Variants in TSN observed in about 807,000 individuals in gnomAD.
TSN encodes translin.
A neutral mutation model predicts 29.4 loss-of-function variants in TSN; 5 were observed. The observed-to-expected ratio is 0.17, with a 90% CI of 0.09 to 0.36. TSN has a LOEUF of 0.36. Ranked by LOEUF, TSN falls within the 10% of genes least tolerant of loss-of-function variation. The pLI is 1.00. For missense variants in TSN, 159 were observed against 272.8 expected, an observed-to-expected ratio of 0.58 and a Z score of 2.94; for synonymous variants, 106 against 102.2, an observed-to-expected ratio of 1.04 and a Z score of -0.23.
At chr2:121,764,571 A>G (rs1473392646) in intron 5 of TSN, among the ~76,000 whole-genome samples, 1 of 152,118 alleles carries the variant, frequency 6.6e-6, no homozygotes, top group Non-Finnish European at 1.5e-5. Context: ...TTTTAAAGCC[A>G]GTCAAATGGA....
intron 3 of TSN, among the ~76,000 whole-genome samples, chr2:121,760,965 G>T (rs1161194934): frequency 2.0e-5 from 3 of 151,420 alleles, no homozygotes; most frequent in African/African-American, 7.3e-5. Flanking sequence ...TGCCTCCCAG[G>T]TTCAAGCAGT....
chr2:121,765,470 T>A lies in TSN; in HGVS notation c.*103T>A. 1 of 1,044,734 alleles carries A rather than the reference T, an allele frequency of 9.6e-7. No homozygotes were observed. Among genetic ancestry groups the A allele is most frequent in the South Asian group, 1.5e-5 (1 of 66,738 alleles). 64.7% of individuals were successfully genotyped at this position (1,044,734 alleles called of 1,614,324 possible). ...GTTAGGATGCTCAGTTGCTAAACAC[T>A]GCGCTTTATTTTCTTAACCAGTTGT... On this transcript the variant is annotated 3_prime_UTR_variant, in exon 6 of 6. Transcript: ENST00000389682.
chr2:121,760,661 A>C (rs1206781572), intron 3 of TSN, among the ~76,000 whole-genome samples: 1 of 152,200 alleles, frequency 6.6e-6, no homozygotes. Flanking sequence ...GTGATTGCAA[A>C]TGGTAATTTT....
At chr2:121,758,904 G>A (rs57168317) in intron 3 of TSN, 98 bp downstream of exon 3, 11,569 of 730,004 alleles carry the variant, frequency 0.016, 246 homozygotes, top group African/African-American at 0.067. Flanking sequence ...CAAACATCCT[G>A]TGTAGAAGTA....
Position 121,755,837 on chromosome 2 carries a change from A to G in TSN, c.58A>G (p.Ile20Val). ...LQGFLAAEQDIREEIRKVVQS... is the reference protein window; with the variant it reads ...LQGFLAAEQDVREEIRKVVQS... ...GGGCTTTTTGGCTGCCGAGCAGGACATCCGAGAGGCGAGCCCCCTCCCTTC... is the reference window on the plus strand; with the variant it reads ...GGGCTTTTTGGCTGCCGAGCAGGACGTCCGAGAGGCGAGCCCCCTCCCTTC... Residue 20 changes from isoleucine (I) to valine (V), a missense_variant, in exon 1 of 6, where the codon ATC becomes GTC. Around this residue, in one of 3 missense-constraint regions of TSN, gnomAD observed 43 missense variants for 68.6 expected, o/e 0.63. Coordinates refer to ENST00000389682, the MANE Select transcript of TSN (RefSeq NM_004622.3). The G allele has an allele frequency of 6.2e-7, 1 of 1,614,056 alleles. No individual in the cohort carries two copies. Among genetic ancestry groups the G allele is most frequent in the Admixed American group, 1.7e-5 (1 of 60,024 alleles).
chr2:121,755,858 C>A lies in TSN; in HGVS notation c.66+13C>A, dbSNP rs1245018245. The A allele has an allele frequency of 1.2e-6, 2 of 1,613,910 alleles. No homozygotes were observed. Among genetic ancestry groups the A allele is most frequent in the Non-Finnish European group, 1.7e-6 (2 of 1,180,022 alleles). ...GGACATCCGAGAGGCGAGCCCCCTC[C>A]CTTCCCCATTCCCTTTGCCTTTCCA... On this transcript the variant is annotated intron_variant, in intron 1 of 5. Coordinates refer to ENST00000389682, the MANE Select transcript of TSN (RefSeq NM_004622.3).
At chr2:121,756,758 C>A in intron 1 of TSN, 1 of 497,674 alleles carries the variant, frequency 2.0e-6, no homozygotes, top group Non-Finnish European at 3.3e-6. Context: ...TATAAAAGAA[C>A]ATTAACTGGG....
intron 5 of TSN, among the ~76,000 whole-genome samples, chr2:121,763,336 G>A (rs575991543): frequency 2.2e-4 from 34 of 151,896 alleles, no homozygotes; most frequent in African/African-American, 6.3e-4. Flanking sequence ...TAGTAGAGAC[G>A]GGGTTTCACC....
chr2:121,761,811 A>G (rs545723860), intron 4 of TSN, among the ~76,000 whole-genome samples: 1 of 148,672 alleles, frequency 6.7e-6, no homozygotes, highest in South Asian at 2.1e-4. Flanking sequence ...AATACAGTAT[A>G]AGTGCTATGT....
intron 4 of TSN, 46 bp downstream of exon 4, chr2:121,761,570 T>C (rs1401149784): frequency 6.9e-7 from 1 of 1,458,890 alleles, no homozygotes; most frequent in East Asian, 2.3e-5. Flanking sequence ...GCATGGTTGC[T>C]TACTTTTTGG....
At chr2:121,756,670 C>T (rs1275987186) in intron 1 of TSN, 4 of 1,287,068 alleles carry the variant, frequency 3.1e-6, no homozygotes, top group African/African-American at 1.5e-5. Context: ...TTTGGGAGGC[C>T]GAGGCGGCCA....
intron 5 of TSN, among the ~76,000 whole-genome samples, chr2:121,763,679 T>C (rs2074864939): frequency 6.6e-6 from 1 of 152,236 alleles, no homozygotes; most frequent in Non-Finnish European, 1.5e-5. Context: ...TGGTAACTGT[T>C]AATCCATGTA....
chr2:121,763,291 C>T (rs539207061), intron 5 of TSN, among the ~76,000 whole-genome samples: 112 of 152,060 alleles, frequency 7.4e-4, no homozygotes, highest in Non-Finnish European at 1.4e-3. Context: ...TACAGGCGCC[C>T]GCCACCACAC....
At position 121,755,695 on chromosome 2, in the gene TSN, T is replaced by C. The variant is rs149544367; in HGVS notation, c.-85T>C. The C allele has an allele frequency of 6.5e-4, 1,016 of 1,562,754 alleles. 14 individuals carry two copies. The East Asian group carries it at 0.017, about 26-fold the overall frequency. On this transcript the variant is annotated 5_prime_UTR_variant, in exon 1 of 6. Transcript: ENST00000389682. ...GGGGACGCGGCGGTAGCGGCGGCCG[T>C]TGCGATTGATTGCGCTGGTTGCCTG...
rs907870071 is a variant in TSN, at chr2:121,765,745, C to T, written c.*378C>T. On this transcript the variant is annotated 3_prime_UTR_variant, in exon 6 of 6. Coordinates refer to ENST00000389682, the MANE Select transcript of TSN (RefSeq NM_004622.3). ...TGTGATGCTTGATATTTTCTATATG[C>T]GAGTTAGCCATCCACACCCAGGCAT... 1 of 194,574 alleles carries T rather than the reference C, an allele frequency of 5.1e-6. No individual in the cohort carries two copies. Among genetic ancestry groups the T allele is most frequent in the Non-Finnish European group, 1.1e-5 (1 of 94,606 alleles). 12.1% of individuals were successfully genotyped at this position (194,574 alleles called of 1,614,324 possible).
rs1051427518 is a variant in TSN, at chr2:121,766,214, A to C, written c.*847A>C. 10 of 152,352 alleles carry C rather than the reference A, an allele frequency of 6.6e-5. No homozygotes were observed. Among genetic ancestry groups the C allele is most frequent in the Non-Finnish European group, 1.3e-4 (9 of 68,040 alleles). 9.4% of individuals were successfully genotyped at this position (152,352 alleles called of 1,614,324 possible). ...CTAGATCATTTGTTCTGGGAGTATA[A>C]AGCCACCCACGTAAGTTAATAAGCA... On this transcript the variant is annotated 3_prime_UTR_variant, in exon 6 of 6. Transcript: ENST00000389682.
chr2:121,764,474 A>G (rs1227535763), intron 5 of TSN, among the ~76,000 whole-genome samples: 1 of 152,044 alleles, frequency 6.6e-6, no homozygotes, highest in Non-Finnish European at 1.5e-5. Flanking sequence ...AAAAACCCGT[A>G]TGTTGACAGT....
At chr2:121,759,986 A>G (rs2074801417) in intron 3 of TSN, among the ~76,000 whole-genome samples, 1 of 152,200 alleles carries the variant, frequency 6.6e-6, no homozygotes, top group Non-Finnish European at 1.5e-5. Flanking sequence ...TACAGAAAAC[A>G]TTTGCTGATC....
At position 121,767,677 on chromosome 2, in the gene TSN, C is replaced by G. The variant is rs1197615759; in HGVS notation, c.*2310C>G. 2.0e-5 allele frequency: 3 copies of G among 152,054 alleles called. No individual in the cohort carries two copies. The highest frequency in any genetic ancestry group is 1.9e-4 in the East Asian group (1 of 5,168). The allele number at this position is 152,054 out of a possible 1,614,324, so 9.4% of individuals were successfully genotyped here. On this transcript the variant is annotated 3_prime_UTR_variant, in exon 6 of 6. Transcript: ENST00000389682. ...TTGGGGAGATTTGCCACATCTTAAA[C>G]TTGAATAATAGTATGAGTAATGCTT...
Sources: gnomAD v4.1 joint callset for allele counts (sites outside exome capture counted in the v4.1 genomes callset) on GRCh38, gnomAD v4.1.1 for gene constraint, gnomAD v4.1.1 regional missense constraint, MANE v1.5 for transcripts, NCBI Gene and HGNC (gene_info 2026-07-23, HGNC 2026-07-21) for gene names.